Variants in FBN2 observed in about 807,000 individuals in gnomAD.
FBN2 encodes fibrillin-2.
In FBN2, 105 loss-of-function variants were observed where a neutral mutation model predicts 355.6. The ratio of observed to expected loss-of-function variants is 0.30; its 90% CI spans 0.25 to 0.35. The LOEUF (loss-of-function observed/expected upper bound fraction) is 0.35, where lower values mean the gene tolerates loss of function less well. Ranked by LOEUF, FBN2 falls within the 10% of genes least tolerant of loss-of-function variation. The pLI is 1.00. For missense variants in FBN2, 3,280 were observed against 3,758.7 expected (o/e 0.87, Z 3.33); for synonymous variants, 1,350 against 1,301.2 (o/e 1.04, Z -0.81).
At chr5:128,266,555 G>C (rs1403937684) in intron 62 of FBN2, among the ~76,000 whole-genome samples, 1 of 152,136 alleles carries the variant, frequency 6.6e-6, no homozygotes, top group African/African-American at 2.4e-5. Flanking sequence ...TTTAGATAGA[G>C]CTTCCACATT....
At chr5:128,475,165 G>A (rs1309558214) in intron 5 of FBN2, among the ~76,000 whole-genome samples, 3 of 152,052 alleles carry the variant, frequency 2.0e-5, no homozygotes, top group Admixed American at 6.6e-5. Context: ...CAGGAGAGGC[G>A]CAAGAGCAAA....
chr5:128,453,650 T>C (rs1255891775), intron 6 of FBN2, among the ~76,000 whole-genome samples: 1 of 151,750 alleles, frequency 6.6e-6, no homozygotes, highest in Non-Finnish European at 1.5e-5. Flanking sequence ...GTTGGTTTTC[T>C]TTTTTTTCAG....
chr5:128,346,383 T>C (rs1038891204), intron 23 of FBN2, among the ~76,000 whole-genome samples: 1 of 152,208 alleles, frequency 6.6e-6, no homozygotes, highest in Non-Finnish European at 1.5e-5. Flanking sequence ...TTGGAAACGG[T>C]TCCTTAATCA....
intron 25 of FBN2, 80 bp downstream of exon 25, chr5:128,344,305 G>C: frequency 2.1e-6 from 3 of 1,429,092 alleles, no homozygotes; most frequent in Non-Finnish European, 3.0e-6. Context: ...GAGAGGATTA[G>C]CTTTTTAGGG....
intron 7 of FBN2, among the ~76,000 whole-genome samples, chr5:128,410,540 T>C (rs1037126144): frequency 6.6e-5 from 10 of 152,242 alleles, no homozygotes; most frequent in African/African-American, 2.2e-4. Context: ...ATGCAAAATA[T>C]TAAACATTAA....
In FBN2 at chr5:128,261,872, TG is replaced by T; in HGVS notation, c.8227del (p.Gln2743SerfsTer52). On this transcript the variant is annotated frameshift_variant, in exon 64 of 65. Coordinates refer to ENST00000262464, the MANE Select transcript of FBN2 (RefSeq NM_001999.4). LOFTEE classifies it high-confidence loss of function. ...GACCTCTGTATCCAGTGACAGGTACTGCCCCTTGTTAAATCCCATTCCTGAG... is the reference window on the plus strand; with the variant it reads ...GACCTCTGTATCCAGTGACAGGTACTCCCCTTGTTAAATCCCATTCCTGAG... ...CVSGMGFNKG[Q>X]YLSLDTEVDE... is the part of the protein sequence containing the mutation. The T allele has an allele frequency of 6.2e-7, 1 of 1,614,154 alleles. No homozygotes were observed. Among genetic ancestry groups the T allele is most frequent in the Non-Finnish European group, 8.5e-7 (1 of 1,179,958 alleles).
chr5:128,335,110 T>G lies in FBN2; in HGVS notation c.3973+60A>C, dbSNP rs575496896. On this transcript the variant is annotated intron_variant, in intron 30 of 64. Coordinates refer to ENST00000262464, the MANE Select transcript of FBN2 (RefSeq NM_001999.4). ...GCCTTCCTTTTATCACGCTTGTGTG[T>G]GCATGTGGGTGTGTGTGCATGTGTG... 23 of 1,606,800 alleles carry G rather than the reference T, an allele frequency of 1.4e-5. No homozygotes were observed. In the African/African-American group the frequency reaches 3.1e-4, roughly 21 times the overall value.
At chr5:128,366,459 A>G in intron 16 of FBN2, 29 bp from the exon 17 acceptor site, 1 of 1,488,044 alleles carries the variant, frequency 6.7e-7, no homozygotes, top group Non-Finnish European at 9.4e-7. Context: ...TAGAAGAATT[A>G]AAAACTTAAC....
chr5:128,514,479 T>A (rs564849048), intron 5 of FBN2, among the ~76,000 whole-genome samples: 44 of 152,296 alleles, frequency 2.9e-4, no homozygotes, highest in African/African-American at 1.0e-3. Context: ...TTCTCATTAA[T>A]AAGAAGTATA....
chr5:128,517,674 T>A (rs542056883), intron 5 of FBN2, among the ~76,000 whole-genome samples: 6 of 152,318 alleles, frequency 3.9e-5, no homozygotes, highest in African/African-American at 1.4e-4. Flanking sequence ...AATTTCTCAG[T>A]TTCTTCTCCA....
rs147436101 is a variant in FBN2 at position 128,498,577 on chromosome 5, C to G, written c.628+20696G>C. Among the ~76,000 whole-genome samples, 79 of 152,264 alleles carry G rather than the reference C, an allele frequency of 5.2e-4. 1 individual carries two copies. The highest frequency in any genetic ancestry group is 1.8e-3 in the African/African-American group (76 of 41,546). On this transcript the variant is annotated intron_variant, in intron 5 of 64. Coordinates refer to ENST00000262464, the MANE Select transcript of FBN2 (RefSeq NM_001999.4). ...CCTTCACAAATTATTTATATTTTTA[C>G]AAGAGAGAGCTCAAGTTCCTCTGGC...
At chr5:128,417,560 G>T (rs547776030) in intron 7 of FBN2, among the ~76,000 whole-genome samples, 2 of 152,150 alleles carry the variant, frequency 1.3e-5, no homozygotes, top group Admixed American at 6.5e-5. Context: ...TTTCATGAAG[G>T]GATGATGGAT....
chr5:128,285,207 G>C (rs1021245960), intron 55 of FBN2, among the ~76,000 whole-genome samples: 4 of 15,034 alleles, frequency 2.7e-4, no homozygotes, highest in Non-Finnish European at 3.4e-4. Context: ...TTTTGGGTAA[G>C]TTTGATTCCA....
Position 128,305,849 on chromosome 5 carries a change from T to A in FBN2, c.5522A>T (p.Tyr1841Phe). 6.2e-7 allele frequency: 1 copy of A among 1,614,082 alleles called. No individual in the cohort carries two copies. Among genetic ancestry groups the A allele is most frequent in the Non-Finnish European group, 8.5e-7 (1 of 1,179,954 alleles). ...TTCACAAACCAACAGCAGGTCATTG[T>A]AACTGAATCCTGTAGGGCATTCACA... ...FRCECPTGFS[Y>F]NDLLLVCEDI... The change falls in exon 43 of 65, where the codon TAC (tyrosine) becomes TTC (phenylalanine). Residue 1841 changes from tyrosine to phenylalanine, a missense_variant. Transcript: ENST00000262464.
intron 6 of FBN2, among the ~76,000 whole-genome samples, chr5:128,462,952 T>C (rs536136340): frequency 6.6e-6 from 1 of 152,210 alleles, no homozygotes; most frequent in South Asian, 2.1e-4. Context: ...AGTGAATAAG[T>C]GAAAAAGATT....
intron 6 of FBN2, among the ~76,000 whole-genome samples, chr5:128,461,736 C>A (rs1462957686): frequency 6.6e-6 from 1 of 151,706 alleles, no homozygotes; most frequent in African/African-American, 2.4e-5. Context: ...TCATCCTCTG[C>A]AAACTAACAC....
chr5:128,407,940 T>C (rs1752973128), intron 8 of FBN2, among the ~76,000 whole-genome samples: 1 of 152,180 alleles, frequency 6.6e-6, no homozygotes, highest in South Asian at 2.1e-4. Flanking sequence ...CTTTAAGTAT[T>C]GGATTAATTT....
At chr5:128,304,186 A>G (rs943582496) in intron 45 of FBN2, among the ~76,000 whole-genome samples, 2 of 152,238 alleles carry the variant, frequency 1.3e-5, no homozygotes, top group Admixed American at 6.5e-5. Context: ...AATGCTAATT[A>G]CAAGTAGCCA....
intron 23 of FBN2, among the ~76,000 whole-genome samples, chr5:128,348,382 A>C (rs1751244276): frequency 6.6e-6 from 1 of 152,048 alleles, no homozygotes; most frequent in Non-Finnish European, 1.5e-5. Context: ...TGTACTTTGG[A>C]TATTATGTTT....
Sources: allele counts gnomAD v4.1 joint callset (sites outside exome capture counted in the v4.1 genomes callset), GRCh38; gene constraint gnomAD v4.1.1; transcripts MANE v1.5; gene names NCBI Gene and HGNC (gene_info 2026-07-23, HGNC 2026-07-21).